The following LCLAT1 variants were observed in gnomAD, a reference collection of about 807,000 sequenced individuals.
LCLAT1 encodes 1-AGP acyltransferase 8.
A neutral mutation model predicts 30.7 loss-of-function variants in LCLAT1; 11 were observed. The observed-to-expected ratio is 0.36, with a 90% CI of 0.23 to 0.59. The LOEUF is 0.59. LCLAT1 is among the 20% of genes least tolerant of loss of function. The probability of loss-of-function intolerance (pLI) is 0.77; values close to 1 mark genes in which losing one functional copy is unlikely to be tolerated. For synonymous variants in LCLAT1, 155 were observed against 151.3 expected, an observed-to-expected ratio of 1.02 and a Z score of -0.18; for missense variants, 402 against 458.6, an observed-to-expected ratio of 0.88 and a Z score of 1.13.
intron 5 of LCLAT1, among the ~76,000 whole-genome samples, chr2:30,618,413 T>C (rs982473098): frequency 6.6e-6 from 1 of 152,300 alleles, no homozygotes. Context: ...CTCCCATTTA[T>C]ATGGGTCTTT....
Position 30,545,895 on chromosome 2 carries a change from A to G in LCLAT1, c.364+12581A>G, listed in dbSNP as rs182166534. Among the ~76,000 whole-genome samples, 6 of 152,332 alleles carry G rather than the reference A, an allele frequency of 3.9e-5. No homozygotes were observed. The East Asian group carries it at 1.2e-3, about 29-fold the overall frequency. On this transcript the variant is annotated intron_variant, in intron 3 of 5. Transcript: ENST00000379509. Reference sequence around the variant, plus strand: ...TGAGAAAAGAGTTTGAGCCTTTTAGAAAGCATGAAAAGGAGAGTAATATTA... The same window carrying G: ...TGAGAAAAGAGTTTGAGCCTTTTAGGAAGCATGAAAAGGAGAGTAATATTA...
intron 1 of LCLAT1, among the ~76,000 whole-genome samples, chr2:30,450,430 C>T (rs535169775): frequency 1.4e-5 from 2 of 147,200 alleles, no homozygotes; most frequent in East Asian, 2.1e-4. Context: ...AACTCTCCTG[C>T]GGGCAGTGGG....
chr2:30,640,553 C>T lies in LCLAT1; in HGVS notation c.1065C>T (p.Ile355=), dbSNP rs776156634. ...LQERIFGGLE[I]IELACYRLLH... ...AGAGAATATTTGGTGGACTGGAGAT[C>T]ATAGAACTTGCATGTTACCGACTTT... Residue 355 remains isoleucine (I), a synonymous_variant, in exon 6 of 6, where the codon ATC becomes ATT. Transcript: ENST00000379509. 3.1e-6 allele frequency: 5 copies of T among 1,613,114 alleles called. No homozygotes were observed. The African/African-American group carries it at 6.7e-5, about 22-fold the overall frequency.
At chr2:30,621,111 T>C (rs973766306) in intron 5 of LCLAT1, among the ~76,000 whole-genome samples, 1 of 152,208 alleles carries the variant, frequency 6.6e-6, no homozygotes, top group South Asian at 2.1e-4. Flanking sequence ...TAGGACACTA[T>C]TCAACCCACT....
Position 30,521,489 on chromosome 2 carries a change from CTTCTTTTTTTTTTTTTTTT to C in LCLAT1, c.-4-4095_-4-4077del, listed in dbSNP as rs1204346982. 8.5e-4 allele frequency among the ~76,000 whole-genome samples: 47 copies of C among 55,566 alleles called. 2 individuals are homozygous for C. Among genetic ancestry groups the C allele is most frequent in the African/African-American group, 2.5e-3 (31 of 12,262 alleles). The allele number at this position is 55,566 out of a possible 152,430, so 36.5% of individuals were successfully genotyped here. Reference sequence around the variant, plus strand: ...GTTTCCTCAACCCCCTAAACTACTTCTTCTTTTTTTTTTTTTTTTTTTTTTTTTTTTTTTTTTGAGAGGG... The same window carrying C: ...GTTTCCTCAACCCCCTAAACTACTTCTTTTTTTTTTTTTTTTTTGAGAGGG... On this transcript the variant is annotated intron_variant, in intron 1 of 5. Transcript: ENST00000379509.
At chr2:30,471,698 G>A (rs1055275376) in intron 1 of LCLAT1, among the ~76,000 whole-genome samples, 11 of 152,172 alleles carry the variant, frequency 7.2e-5, no homozygotes, top group Non-Finnish European at 1.2e-4. Flanking sequence ...TTACTGGTGC[G>A]TAGAAACATA....
At chr2:30,634,163 T>G (rs1015007445) in intron 5 of LCLAT1, among the ~76,000 whole-genome samples, 2 of 152,232 alleles carry the variant, frequency 1.3e-5, no homozygotes. Context: ...TCTTCCAAGG[T>G]ATAAACAACT....
chr2:30,527,056 ATATAT>A (rs1685755864), intron 2 of LCLAT1, among the ~76,000 whole-genome samples: 2 of 152,206 alleles, frequency 1.3e-5, no homozygotes, highest in Non-Finnish European at 2.9e-5. Context: ...CTCTATATAC[ATATAT>A]TAAGTAAAAT....
intron 1 of LCLAT1, among the ~76,000 whole-genome samples, chr2:30,496,273 G>C (rs1684110171): frequency 6.6e-6 from 1 of 152,104 alleles, no homozygotes; most frequent in Non-Finnish European, 1.5e-5. Context: ...ATTTGGGTGG[G>C]GACACAGACC....
At chr2:30,632,741 G>C (rs1668828442) in intron 5 of LCLAT1, among the ~76,000 whole-genome samples, 1 of 152,210 alleles carries the variant, frequency 6.6e-6, no homozygotes, top group Non-Finnish European at 1.5e-5. Flanking sequence ...CCCTACGAGG[G>C]TAGGGACTAT....
chr2:30,464,577 A>T (rs930449106), intron 1 of LCLAT1, among the ~76,000 whole-genome samples: 2 of 152,224 alleles, frequency 1.3e-5, no homozygotes, highest in Non-Finnish European at 2.9e-5. Flanking sequence ...TTTTATTTGC[A>T]TGTCAGATAC....
chr2:30,515,194 G>A (rs1314698452), intron 1 of LCLAT1, among the ~76,000 whole-genome samples: 1 of 152,122 alleles, frequency 6.6e-6, no homozygotes, highest in Non-Finnish European at 1.5e-5. Flanking sequence ...AGAGTCTAAA[G>A]CCTTCTTTAA....
intron 5 of LCLAT1, among the ~76,000 whole-genome samples, chr2:30,613,556 CA>C (rs1288972809): frequency 6.1e-5 from 9 of 148,036 alleles, no homozygotes; most frequent in African/African-American, 2.3e-4. Flanking sequence ...GACACAGAGA[CA>C]AAGTATAGAG....
intron 5 of LCLAT1, among the ~76,000 whole-genome samples, chr2:30,583,974 C>T (rs1386965605): frequency 6.6e-6 from 1 of 151,996 alleles, no homozygotes. Context: ...GATACGTGTG[C>T]CAAAGTGGTT....
At chr2:30,612,012 T>C (rs1161468082) in intron 5 of LCLAT1, among the ~76,000 whole-genome samples, 4 of 151,828 alleles carry the variant, frequency 2.6e-5, no homozygotes, top group Non-Finnish European at 5.9e-5. Context: ...AGAAAAAAAA[T>C]AGCACAGTAG....
At chr2:30,537,108 G>A (rs941956988) in intron 3 of LCLAT1, among the ~76,000 whole-genome samples, 8 of 152,224 alleles carry the variant, frequency 5.3e-5, no homozygotes, top group African/African-American at 1.4e-4. Context: ...TTGGCCGGGC[G>A]CGGTGGCTCA....
At chr2:30,484,453 C>T (rs1472181731) in intron 1 of LCLAT1, among the ~76,000 whole-genome samples, 1 of 152,062 alleles carries the variant, frequency 6.6e-6, no homozygotes, top group Non-Finnish European at 1.5e-5. Context: ...CCATGTGATT[C>T]TAGTTTTGAG....
chr2:30,636,510 A>G (rs775534910), intron 5 of LCLAT1, among the ~76,000 whole-genome samples: 29 of 152,184 alleles, frequency 1.9e-4, no homozygotes, highest in Non-Finnish European at 4.0e-4. Context: ...GTAACTCAGC[A>G]AGAGGCAGAG....
At chr2:30,616,957 T>C (rs939114289) in intron 5 of LCLAT1, among the ~76,000 whole-genome samples, 2 of 152,180 alleles carry the variant, frequency 1.3e-5, no homozygotes, top group African/African-American at 4.8e-5. Flanking sequence ...CTGTTTAGAC[T>C]ATAGCACATA....
Sources: allele counts gnomAD v4.1 joint callset (sites outside exome capture counted in the v4.1 genomes callset), GRCh38; gene constraint gnomAD v4.1.1; transcripts MANE v1.5; gene names NCBI Gene and HGNC (gene_info 2026-07-23, HGNC 2026-07-21).